RYR2: variants seen among roughly 807,000 people sequenced by gnomAD.
RYR2 encodes cardiac muscle ryanodine receptor-calcium release channel.
Under a neutral mutation model 601.1 loss-of-function variants are expected in RYR2, and 227 were observed. The ratio of observed to expected loss-of-function variants is 0.38; its 90% CI spans 0.34 to 0.42. RYR2 has a LOEUF of 0.42. Among genes scored for constraint, RYR2 ranks in the 10% least tolerant of loss-of-function variants. The pLI is 1.00. For missense variants in RYR2, 4,646 were observed against 6,156.5 expected, an observed-to-expected ratio of 0.75 and a Z score of 8.21; for synonymous variants, 2,223 against 2,175.1, an observed-to-expected ratio of 1.02 and a Z score of -0.61.
intron 8 of RYR2, among the ~76,000 whole-genome samples, chr1:237,379,218 C>CTTG (rs918134534): frequency 1.3e-5 from 2 of 151,946 alleles, no homozygotes; most frequent in African/African-American, 4.8e-5. Context: ...TGAATTTTTT[C>CTTG]TTGTTGTTGT....
chr1:237,196,999 T>G (rs927668671), intron 1 of RYR2, among the ~76,000 whole-genome samples: 4 of 152,198 alleles, frequency 2.6e-5, no homozygotes, highest in Non-Finnish European at 5.9e-5. Flanking sequence ...CTATTTATAT[T>G]CTTAAGTGTG....
intron 27 of RYR2, among the ~76,000 whole-genome samples, chr1:237,565,179 CTTTCTTTCTTTCTTTCTTTCTTTCTT>C (rs1671900164): frequency 8.3e-6 from 1 of 120,210 alleles, no homozygotes; most frequent in African/African-American, 3.5e-5. Flanking sequence ...TTCTTTCTTT[CTTTCTTTCTTTCTTTCTTTCTTTCTT>C]TCTTTCTTTC....
chr1:237,083,725 G>A (rs1572572598), intron 1 of RYR2, among the ~76,000 whole-genome samples: 2 of 152,218 alleles, frequency 1.3e-5, no homozygotes, highest in Admixed American at 1.3e-4. Context: ...GCTAGACACA[G>A]CAGTGGTTTA....
chr1:237,482,770 C>G (rs1484057171), intron 17 of RYR2, among the ~76,000 whole-genome samples: 2 of 152,088 alleles, frequency 1.3e-5, no homozygotes, highest in African/African-American at 4.8e-5. Context: ...TTTTGAGGAA[C>G]CTCCAAAATG....
rs182339777 is a variant in RYR2 at position 237,787,318 on chromosome 1, G to C, written c.13329-670G>C. Among the ~76,000 whole-genome samples, 129 of 152,122 alleles carry C rather than the reference G, an allele frequency of 8.5e-4. 2 individuals are homozygous for C. Among genetic ancestry groups the C allele is most frequent in the African/African-American group, 2.9e-3 (121 of 41,512 alleles). ...TGCATTAAAATTATAGGCTGGGCGT[G>C]GTGGCTCACACCTGTAATCCCAGCA... On this transcript the variant is annotated intron_variant, in intron 91 of 104. Coordinates refer to ENST00000366574, the MANE Select transcript of RYR2 (RefSeq NM_001035.3).
At chr1:237,538,480 G>GT (rs35530760) in intron 25 of RYR2, among the ~76,000 whole-genome samples, 86,748 of 142,138 alleles carry the variant, frequency 0.61, 27,131 homozygotes, top group Non-Finnish European at 0.69. Context: ...GTTTAAAGAA[G>GT]TTTTTTTTTG....
chr1:237,784,951 T>TGAGGTGCAG lies in RYR2; in HGVS notation c.13242_13250dup (p.Val4415_Glu4417dup). Reference sequence around the variant, plus strand: ...TCATGAGCAACCCAGTCCCCATGCCTGAGGTGCAGGAAAAATTTCAGGTAA... The same window carrying TGAGGTGCAG: ...TCATGAGCAACCCAGTCCCCATGCCTGAGGTGCAGGAGGTGCAGGAAAAATTTCAGGTAA... On this transcript the variant is annotated inframe_insertion, in exon 90 of 105. Coordinates refer to ENST00000366574, the MANE Select transcript of RYR2 (RefSeq NM_001035.3). This position sits in a 1 kb window ranked among gnomAD's most constrained non-coding sequence, Gnocchi z 7.1. 3 of 1,596,636 alleles carry TGAGGTGCAG rather than the reference T, an allele frequency of 1.9e-6. No individual in the cohort carries two copies. Among genetic ancestry groups the TGAGGTGCAG allele is most frequent in the Non-Finnish European group, 2.6e-6 (3 of 1,171,288 alleles).
intron 33 of RYR2, among the ~76,000 whole-genome samples, chr1:237,595,084 T>C (rs1675739245): frequency 1.3e-5 from 2 of 151,106 alleles, no homozygotes; most frequent in South Asian, 4.3e-4. Flanking sequence ...TGCTTCTCAT[T>C]TCAGAACAAG....
intron 42 of RYR2, among the ~76,000 whole-genome samples, chr1:237,632,169 C>T (rs943427105): frequency 6.6e-6 from 1 of 151,778 alleles, no homozygotes; most frequent in African/African-American, 2.4e-5. Context: ...TATTTAGAAA[C>T]TTAGAAACAT....
At chr1:237,679,076 T>C (rs1685636375) in intron 61 of RYR2, among the ~76,000 whole-genome samples, 1 of 152,196 alleles carries the variant, frequency 6.6e-6, no homozygotes. Context: ...TTCCAATCAT[T>C]TGAAGATCCA....
chr1:237,704,098 C>CTG (rs1456371684), intron 66 of RYR2, among the ~76,000 whole-genome samples: 1 of 152,054 alleles, frequency 6.6e-6, no homozygotes, highest in African/African-American at 2.4e-5. Flanking sequence ...TAACTTTTCT[C>CTG]TATGCAACAG....
At chr1:237,168,169 G>T (rs1405661230) in intron 1 of RYR2, among the ~76,000 whole-genome samples, 1 of 152,166 alleles carries the variant, frequency 6.6e-6, no homozygotes. Context: ...GGGATTAGTA[G>T]CCCTGGCCAG....
intron 2 of RYR2, among the ~76,000 whole-genome samples, chr1:237,287,180 T>C (rs6682911): frequency 0.81 from 122,711 of 152,150 alleles, 49,572 homozygotes; most frequent in South Asian, 0.92. Flanking sequence ...AGAAATCTGC[T>C]GTTAATCTGA....
chr1:237,773,493 A>G, intron 86 of RYR2, 27 bp from the exon 87 acceptor site: 5 of 1,527,692 alleles, frequency 3.3e-6, no homozygotes, highest in Non-Finnish European at 4.5e-6. Flanking sequence ...TGACTTGATA[A>G]TAAATAATAT....
At chr1:237,694,235 A>G (rs1437260715) in intron 63 of RYR2, among the ~76,000 whole-genome samples, 3 of 150,554 alleles carry the variant, frequency 2.0e-5, no homozygotes, top group African/African-American at 7.4e-5. Flanking sequence ...TGGAGTTTGC[A>G]GTGAGCCGAG....
At chr1:237,115,683 G>C (rs1034941490) in intron 1 of RYR2, among the ~76,000 whole-genome samples, 1 of 152,186 alleles carries the variant, frequency 6.6e-6, no homozygotes, top group African/African-American at 2.4e-5. Context: ...TTTCAAAATA[G>C]ACGCGTGAAG....
At chr1:237,482,740 T>C (rs143734897) in intron 17 of RYR2, among the ~76,000 whole-genome samples, 22 of 152,300 alleles carry the variant, frequency 1.4e-4, no homozygotes, top group African/African-American at 5.3e-4. Flanking sequence ...CTGGATCACA[T>C]AGTAGCTCAA....
At chr1:237,093,099 G>A (rs947604019) in intron 1 of RYR2, among the ~76,000 whole-genome samples, 5 of 152,096 alleles carry the variant, frequency 3.3e-5, no homozygotes, top group Non-Finnish European at 5.9e-5. Flanking sequence ...AGTGTGACGC[G>A]TTTCACCAAG....
chr1:237,217,201 T>A (rs1683284938), intron 1 of RYR2, among the ~76,000 whole-genome samples: 1 of 152,204 alleles, frequency 6.6e-6, no homozygotes, highest in Admixed American at 6.5e-5. Flanking sequence ...CATGGAGTAT[T>A]TATTATATTG....
Sources: gnomAD v4.1 joint callset for allele counts (sites outside exome capture counted in the v4.1 genomes callset) on GRCh38, gnomAD v4.1.1 for gene constraint, Gnocchi (gnomAD v3.1) non-coding constraint, MANE v1.5 for transcripts, NCBI Gene and HGNC (gene_info 2026-07-23, HGNC 2026-07-21) for gene names.